The following TMPRSS9 variants were observed in gnomAD, a reference collection of about 807,000 sequenced individuals.
TMPRSS9 encodes transmembrane protease serine 9.
In TMPRSS9, 113 loss-of-function variants were observed where a neutral mutation model predicts 111.4. The ratio of observed to expected loss-of-function variants is 1.01; its 90% CI spans 0.87 to 1.19. The LOEUF is 1.19. Among genes scored for constraint, TMPRSS9 ranks in the 50% most tolerant of loss-of-function variants. The pLI is 0.00. For missense variants in TMPRSS9, 1,803 were observed against 1,513.1 expected, an observed-to-expected ratio of 1.19 and a Z score of -3.18; for synonymous variants, 805 against 659.1, an observed-to-expected ratio of 1.22 and a Z score of -3.39.
intron 1 of TMPRSS9, among the ~76,000 whole-genome samples, chr19:2,373,765 G>A (rs981857746): frequency 5.9e-5 from 9 of 152,364 alleles, no homozygotes; most frequent in East Asian, 1.9e-4. Context: ...CTCTTAAGGC[G>A]CTGGGATTAC....
upstream of TMPRSS9, among the ~76,000 whole-genome samples, chr19:2,385,616 C>G (rs371228382): frequency 8.6e-5 from 13 of 152,024 alleles, 1 homozygote; most frequent in East Asian, 2.5e-3. Context: ...CATCTGGAGG[C>G]CGAGGCAGGA....
At chr19:2,402,793 T>C (rs1182529867) in intron 5 of TMPRSS9, among the ~76,000 whole-genome samples, 1 of 151,882 alleles carries the variant, frequency 6.6e-6, no homozygotes, top group East Asian at 1.9e-4. Context: ...TAGCCTGGGT[T>C]GGTGGTGTGC....
chr19:2,410,973 G>C (rs1971082374), intron 9 of TMPRSS9, among the ~76,000 whole-genome samples: 2 of 152,226 alleles, frequency 1.3e-5, no homozygotes. Flanking sequence ...TGGGTGGTCA[G>C]CTGGGCCATG....
chr19:2,406,248 G>A (rs182215495), intron 7 of TMPRSS9, among the ~76,000 whole-genome samples: 3 of 151,016 alleles, frequency 2.0e-5, no homozygotes, highest in African/African-American at 7.3e-5. Flanking sequence ...TCGATCTCCT[G>A]ACCTCGTGAT....
At chr19:2,388,342 C>T (rs147444462), upstream of TMPRSS9, among the ~76,000 whole-genome samples, 1 of 152,162 alleles carries the variant, frequency 6.6e-6, no homozygotes, top group African/African-American at 2.4e-5. Context: ...GCTGTGATCA[C>T]ACCATTGCAC....
At position 2,374,783 on chromosome 19, in the gene TMPRSS9, G is replaced by A. The variant is rs147744626; in HGVS notation, c.-26+14423G>A. ...CTGTGGCCTTGGTGAGGTGGGCGCCGAGTGCATACGGTGGATAAGCCTGAT... is the reference window on the plus strand; with the variant it reads ...CTGTGGCCTTGGTGAGGTGGGCGCCAAGTGCATACGGTGGATAAGCCTGAT... On this transcript the variant is annotated intron_variant, in intron 1 of 17. Transcript: ENST00000649857. 6.1e-3 allele frequency among the ~76,000 whole-genome samples: 932 copies of A among 152,228 alleles called. 10 individuals carry two copies. Among genetic ancestry groups the A allele is most frequent in the Middle Eastern group, 0.048 (14 of 294 alleles).
intron 15 of TMPRSS9, 68 bp downstream of exon 16, chr19:2,424,325 G>A: frequency 2.4e-6 from 3 of 1,276,074 alleles, no homozygotes; most frequent in South Asian, 6.1e-5. Flanking sequence ...ACTGTTGCCC[G>A]AAAACGCACC....
intron 1 of TMPRSS9, among the ~76,000 whole-genome samples, chr19:2,379,677 C>CTTTCTTTCTTTCTTTCTTTCTTTCTT (rs1240073481): frequency 1.5e-5 from 2 of 131,754 alleles, no homozygotes; most frequent in African/African-American, 5.9e-5. Context: ...TTCTTTCTTT[C>CTTTCTTTCTTTCTTTCTTTCTTTCTT]TCTTTTTCTT....
chr19:2,374,398 C>A (rs1378513773), intron 1 of TMPRSS9, among the ~76,000 whole-genome samples: 3 of 129,192 alleles, frequency 2.3e-5, no homozygotes, highest in Non-Finnish European at 4.7e-5. Context: ...TATGGTGAAA[C>A]CCCGTCTCTA....
chr19:2,409,698 C>G (rs1971054650), intron 8 of TMPRSS9, among the ~76,000 whole-genome samples: 1 of 152,074 alleles, frequency 6.6e-6, no homozygotes, highest in African/African-American at 2.4e-5. Context: ...GCATTTCAGA[C>G]AGCGGGAACA....
intron 7 of TMPRSS9, 45 bp from the exon 9 acceptor site, chr19:2,408,311 G>T (rs1300850501): frequency 6.3e-7 from 1 of 1,591,358 alleles, no homozygotes; most frequent in Non-Finnish European, 8.6e-7. Context: ...CTCCCCCGAC[G>T]GCTCTGACCC....
At chr19:2,395,111 T>C (rs1211656406) in intron 1 of TMPRSS9, among the ~76,000 whole-genome samples, 3 of 152,104 alleles carry the variant, frequency 2.0e-5, no homozygotes, top group East Asian at 1.9e-4. Flanking sequence ...CGAAACCCCA[T>C]CTCTGCTAAA....
At chr19:2,363,803 T>TGTGTGTGTGTGCGC (rs1432791076) in intron 1 of TMPRSS9, among the ~76,000 whole-genome samples, 2 of 116,634 alleles carry the variant, frequency 1.7e-5, no homozygotes, top group African/African-American at 6.7e-5. Context: ...TGTGTGTGTG[T>TGTGTGTGTGTGCGC]GCGTGCGCGC....
At chr19:2,399,224 C>G in intron 4 of TMPRSS9, 31 bp downstream of exon 5, 1 of 1,548,302 alleles carries the variant, frequency 6.5e-7, no homozygotes. Flanking sequence ...GAAACCCCAT[C>G]ACGAGGAGGC....
chr19:2,422,205 T>G (rs750801998), exon 14 of TMPRSS9: 2 of 1,527,754 alleles, frequency 1.3e-6, no homozygotes, highest in Admixed American at 4.1e-5. Context: ...ACAGACGCCA[T>G]TTCCAGACGC....
exon 11 of TMPRSS9, chr19:2,415,784 G>A: frequency 6.2e-7 from 1 of 1,609,008 alleles, no homozygotes; most frequent in South Asian, 1.1e-5. Context: ...CGGCACTTCT[G>A]CGGAGCAACT....
chr19:2,415,427 G>A (rs1284888894), intron 10 of TMPRSS9, among the ~76,000 whole-genome samples: 3 of 152,078 alleles, frequency 2.0e-5, no homozygotes, highest in Non-Finnish European at 4.4e-5. Context: ...GGGGTCCTCG[G>A]GCTGACTGGG....
intron 1 of TMPRSS9, among the ~76,000 whole-genome samples, chr19:2,368,774 G>GTTTGTTTT (rs1970265977): frequency 1.4e-5 from 1 of 70,366 alleles, no homozygotes; most frequent in African/African-American, 6.0e-5. Context: ...GATAAACCCA[G>GTTTGTTTT]TTTTTTTTTT....
intron 15 of TMPRSS9, 60 bp from the exon 17 acceptor site, chr19:2,424,942 A>AGGGGCGG: frequency 7.2e-7 from 1 of 1,388,070 alleles, no homozygotes; most frequent in East Asian, 3.0e-5. Context: ...GGGACACCAC[A>AGGGGCGG]GGGGCGGGGG....
Sources: gnomAD v4.1 joint callset for allele counts (sites outside exome capture counted in the v4.1 genomes callset) on GRCh38, gnomAD v4.1.1 for gene constraint, MANE v1.5 for transcripts, NCBI Gene and HGNC (gene_info 2026-07-23, HGNC 2026-07-21) for gene names.